Variants in BRD1 observed in about 807,000 individuals in gnomAD.
BRD1 encodes bromodomain-containing protein 1.
A neutral mutation model predicts 107.7 loss-of-function variants in BRD1; 24 were observed. The ratio of observed to expected loss-of-function variants is 0.22; its 90% CI spans 0.16 to 0.31. The LOEUF (loss-of-function observed/expected upper bound fraction) is 0.31, where lower values mean the gene tolerates loss of function less well. Ranked by LOEUF, BRD1 falls within the 10% of genes least tolerant of loss-of-function variation. The pLI is 1.00. For missense variants in BRD1, 1,279 were observed against 1,638.6 expected, an observed-to-expected ratio of 0.78 and a Z score of 3.79; for synonymous variants, 744 against 686.1, an observed-to-expected ratio of 1.08 and a Z score of -1.32.
chr22:49,787,746 T>G lies in BRD1; in HGVS notation c.2501A>C (p.Asp834Ala). Residue 834 changes from aspartate (D) to alanine (A), a missense_variant, in exon 8 of 13, where the codon GAT (aspartate) becomes GCT (alanine). Physicochemically the swap from Asp to Ala is moderately radical, Grantham distance 126. Transcript: ENST00000404760. Reference sequence around the variant, plus strand: ...AGTGCAAGCGCTATGTGATTCATTATCAAATGTGACTCTTTTGAAAAGTTT... The same window carrying G: ...AGTGCAAGCGCTATGTGATTCATTAGCAAATGTGACTCTTTTGAAAAGTTT... ...QSKLFKRVTFDNESHSACTQS... is the reference protein window; with the variant it reads ...QSKLFKRVTFANESHSACTQS... 6.4e-7 allele frequency: 1 copy of G among 1,550,884 alleles called. No homozygotes were observed. Among genetic ancestry groups the G allele is most frequent in the African/African-American group, 1.4e-5 (1 of 73,182 alleles).
At chr22:49,776,882 G>C (rs1340158872) in intron 10 of BRD1, 152 bp downstream of exon 10, 30 of 1,117,480 alleles carry the variant, frequency 2.7e-5, no homozygotes, top group Admixed American at 6.6e-5. Flanking sequence ...GCCCCTCGGT[G>C]TGTGATGAAC....
intron 9 of BRD1, 42 bp downstream of exon 9, chr22:49,777,636 C>T: frequency 6.3e-7 from 1 of 1,586,232 alleles, no homozygotes; most frequent in Non-Finnish European, 8.5e-7. Context: ...GCGGGCGGTG[C>T]TGGGAGCTGC....
At chr22:49,779,544 G>A (rs1449042559) in intron 8 of BRD1, among the ~76,000 whole-genome samples, 2 of 152,204 alleles carry the variant, frequency 1.3e-5, no homozygotes, top group African/African-American at 4.8e-5. Flanking sequence ...TTTTAAGGCA[G>A]GAACTGTGGC....
chr22:49,824,234 T>G lies in BRD1; in HGVS notation c.84A>C (p.Arg28=). 1.2e-6 allele frequency: 2 copies of G among 1,613,994 alleles called. No individual in the cohort carries two copies. The highest frequency in any genetic ancestry group is 1.7e-6 in the Non-Finnish European group (2 of 1,180,022). ...SPCSVKHSPT[R]ETLTYAQAQR... is the part of the protein sequence containing the mutation. The stretch of plus-strand genomic sequence containing the variant: ...GAGCTTGAGCGTAGGTCAGCGTTTC[T>G]CGCGTAGGGGAGTGTTTAACACTGC... The change falls in exon 2 of 13, where the codon CGA becomes CGC. Residue 28 remains arginine, a synonymous_variant. Transcript: ENST00000404760. This position sits in a 1 kb window ranked among gnomAD's most constrained non-coding sequence, Gnocchi z 5.9.
intron 6 of BRD1, 115 bp from the exon 7 acceptor site, chr22:49,794,409 C>T: frequency 7.3e-7 from 1 of 1,371,230 alleles, no homozygotes. Context: ...TGGCTGTTAG[C>T]AACGAGGCCC....
In BRD1 at chr22:49,787,258, C is replaced by G. The variant is rs1381654645; in HGVS notation, c.2857+132G>C. 3 of 1,250,280 alleles carry G rather than the reference C, an allele frequency of 2.4e-6. No individual in the cohort carries two copies. In the African/African-American group the frequency reaches 4.7e-5, roughly 19 times the overall value. 77.4% of individuals were successfully genotyped at this position (1,250,280 alleles called of 1,614,324 possible). A position where few individuals can be genotyped will look rare whatever the true frequency, so the allele number is the denominator to read the frequency against. On this transcript the variant is annotated intron_variant, in intron 8 of 12. Coordinates refer to ENST00000404760, the MANE Select transcript of BRD1 (RefSeq NM_001304808.3). ...AAAGAAAACACTGCACTGTTGTCTT[C>G]TCTGGAAATTAAGAGAATGCTGCAA...
At position 49,777,725 on chromosome 22, in the gene BRD1, G is replaced by A. The variant is rs777115915; in HGVS notation, c.2946C>T (p.Ala982=). 2 of 1,608,228 alleles carry A rather than the reference G, an allele frequency of 1.2e-6. No individual in the cohort carries two copies. Among genetic ancestry groups the A allele is most frequent in the East Asian group, 2.2e-5 (1 of 44,740 alleles). Residue 982 remains alanine, a synonymous_variant, in exon 9 of 13, where the codon GCC becomes GCT. Coordinates refer to ENST00000404760, the MANE Select transcript of BRD1 (RefSeq NM_001304808.3). ...GRKATPRRRC[A]SESSISSSNS... is the part of the protein sequence containing the mutation. ...TGCTGGAGGAGATGCTGGACTCGGAGGCACAGCGTCGTCGGGGTGTGGCCT... is the reference window on the plus strand; with the variant it reads ...TGCTGGAGGAGATGCTGGACTCGGAAGCACAGCGTCGTCGGGGTGTGGCCT...
intron 2 of BRD1, among the ~76,000 whole-genome samples, chr22:49,811,819 G>C (rs550790227): frequency 2.6e-5 from 4 of 152,194 alleles, no homozygotes; most frequent in Admixed American, 6.5e-5. Flanking sequence ...GGGACACACC[G>C]CACAGGCGAA....
intron 2 of BRD1, among the ~76,000 whole-genome samples, chr22:49,810,919 AAC>A (rs1316647924): frequency 6.6e-6 from 1 of 152,220 alleles, no homozygotes; most frequent in Non-Finnish European, 1.5e-5. Context: ...GAGAAATAAA[AAC>A]ACACTACCTA....
chr22:49,822,269 T>C (rs1219341259), intron 2 of BRD1, among the ~76,000 whole-genome samples: 3 of 151,468 alleles, frequency 2.0e-5, no homozygotes, highest in African/African-American at 7.3e-5. Flanking sequence ...CTACTAAAAA[T>C]ACAAAATTAG....
chr22:49,812,054 G>C (rs2059859529), intron 2 of BRD1, among the ~76,000 whole-genome samples: 2 of 149,908 alleles, frequency 1.3e-5, no homozygotes, highest in African/African-American at 4.9e-5. Context: ...TTGAGAGGCA[G>C]AAATAAAAGA....
chr22:49,776,056 C>G lies in BRD1; in HGVS notation c.3225G>C (p.Pro1075=), dbSNP rs752628123. 4 of 1,601,352 alleles carry G rather than the reference C, an allele frequency of 2.5e-6. No individual in the cohort carries two copies. Among genetic ancestry groups the G allele is most frequent in the East Asian group, 4.5e-5 (2 of 44,852 alleles). The change falls in exon 11 of 13, where the codon CCG becomes CCC. Residue 1075 remains proline, a synonymous_variant. Coordinates refer to ENST00000404760, the MANE Select transcript of BRD1 (RefSeq NM_001304808.3). ...CCACGAGAGCCGTACTCACCAGTGC[C>G]GGGTAGGAGGGGTAGCCGCTGCACT... ...WAKCSGYPSY[P]ALIIDPKMPR... is the part of the protein sequence containing the mutation.
chr22:49,795,194 T>C (rs573689747), intron 6 of BRD1, among the ~76,000 whole-genome samples: 18 of 152,318 alleles, frequency 1.2e-4, no homozygotes, highest in Admixed American at 1.2e-3. Context: ...AAAATGTTCA[T>C]ACAAAAAAAC....
Position 49,803,290 on chromosome 22 carries a change from T to G in BRD1, c.1524+914A>C, listed in dbSNP as rs1458030463. On this transcript the variant is annotated intron_variant, in intron 3 of 12. Coordinates refer to ENST00000404760, the MANE Select transcript of BRD1 (RefSeq NM_001304808.3). The surrounding 1 kb of genome is among the most constrained non-coding windows in gnomAD (Gnocchi z 4.4). ...GAACCCTGTAGACTCAAGCTTCCTG[T>G]GAGCAAGTCACCACCTCACAGCAGA... Among the ~76,000 whole-genome samples, 1 of 152,216 alleles carries G rather than the reference T, an allele frequency of 6.6e-6. No homozygotes were observed. Among genetic ancestry groups the G allele is most frequent in the Non-Finnish European group, 1.5e-5 (1 of 68,030 alleles).
rs1209036013 is a variant in BRD1 at position 49,792,231 on chromosome 22, CTG to C, written c.2359+1801_2359+1802del. Among the ~76,000 whole-genome samples the C allele has an allele frequency of 6.6e-6, 1 of 152,150 alleles. No homozygotes were observed. The highest frequency in any genetic ancestry group is 1.5e-5 in the Non-Finnish European group (1 of 68,032). On this transcript the variant is annotated intron_variant, in intron 7 of 12. Transcript: ENST00000404760. This position sits in a 1 kb window ranked among gnomAD's most constrained non-coding sequence, Gnocchi z 4.2. ...CTGCTCTACAGTGAAAATGGTACAA[CTG>C]TGTGCGAAGAGAAGCGCTGGAAGCT...
intron 3 of BRD1, among the ~76,000 whole-genome samples, chr22:49,800,250 G>A (rs539690577): frequency 7.2e-5 from 11 of 152,264 alleles, no homozygotes; most frequent in Non-Finnish European, 1.3e-4. Flanking sequence ...GAGGGAGGCC[G>A]AGCCCCGCAC....
At chr22:49,790,604 A>C (rs1048641683) in intron 7 of BRD1, among the ~76,000 whole-genome samples, 3 of 152,226 alleles carry the variant, frequency 2.0e-5, no homozygotes, top group African/African-American at 7.2e-5. Flanking sequence ...TATTTTGCCC[A>C]CCTGGCCACC....
intron 8 of BRD1, among the ~76,000 whole-genome samples, chr22:49,786,251 T>C (rs75401459): frequency 6.7e-6 from 1 of 150,252 alleles, no homozygotes; most frequent in Admixed American, 6.6e-5. Context: ...CAGAAAAGAG[T>C]CGCTGGCAAC....
At chr22:49,784,258 G>A (rs1015551423) in intron 8 of BRD1, among the ~76,000 whole-genome samples, 79 of 150,086 alleles carry the variant, frequency 5.3e-4, no homozygotes, top group African/African-American at 1.9e-3. Flanking sequence ...GCCCCAGCAC[G>A]TGCACAGGGA....
Sources: gnomAD v4.1 joint callset for allele counts (sites outside exome capture counted in the v4.1 genomes callset) on GRCh38, gnomAD v4.1.1 for gene constraint, Gnocchi (gnomAD v3.1) non-coding constraint, MANE v1.5 for transcripts, NCBI Gene and HGNC (gene_info 2026-07-23, HGNC 2026-07-21) for gene names.